Variants in ANK1 observed in about 807,000 individuals in gnomAD.
The protein encoded by ANK1 is ankyrin-1.
Under a neutral mutation model 210.4 loss-of-function variants are expected in ANK1, and 51 were observed. The observed-to-expected ratio is 0.24, with a 90% CI of 0.19 to 0.31. ANK1 has a LOEUF of 0.31. ANK1 is among the 10% of genes least tolerant of loss of function. ANK1 has a pLI of 1.00. For missense variants in ANK1, 2,051 were observed against 2,504.4 expected, an observed-to-expected ratio of 0.82 and a Z score of 3.86; for synonymous variants, 967 against 1,025.9, an observed-to-expected ratio of 0.94 and a Z score of 1.10.
At chr8:41,885,423 C>T (rs1818298419) in intron 1 of ANK1, among the ~76,000 whole-genome samples, 1 of 152,240 alleles carries the variant, frequency 6.6e-6, no homozygotes, top group Admixed American at 6.5e-5. Flanking sequence ...AATGGTTTGA[C>T]TATGGTTTGC....
At chr8:41,771,132 A>G (rs7461534) in intron 1 of ANK1, among the ~76,000 whole-genome samples, 44,951 of 152,142 alleles carry the variant, frequency 0.3, 7,419 homozygotes, top group East Asian at 0.66. Flanking sequence ...TTGGGGTTCA[A>G]TTGCTATGGA....
intron 37 of ANK1, among the ~76,000 whole-genome samples, chr8:41,682,452 G>A (rs73617318): frequency 0.018 from 2,716 of 152,364 alleles, 75 homozygotes; most frequent in African/African-American, 0.056. Context: ...CACAAAGGCA[G>A]AGTTTTGTTT....
chr8:41,867,496 C>T (rs1240875929), intron 1 of ANK1, among the ~76,000 whole-genome samples: 1 of 152,132 alleles, frequency 6.6e-6, no homozygotes, highest in Middle Eastern at 3.2e-3. Flanking sequence ...ATAACAGCCC[C>T]AAGTGATGTC....
intron 1 of ANK1, chr8:41,828,249 T>TCCCGCTCCGC (rs540606434): frequency 1.3e-4 from 20 of 153,246 alleles, no homozygotes; most frequent in African/African-American, 1.9e-4. Context: ...CCGCCCATCC[T>TCCCGCTCCGC]CCCGCTCCGC....
chr8:41,786,555 G>C (rs1160962736), intron 1 of ANK1, among the ~76,000 whole-genome samples: 1 of 152,218 alleles, frequency 6.6e-6, no homozygotes, highest in African/African-American at 2.4e-5. Flanking sequence ...TAATGGAGTC[G>C]AGAGAAGGGC....
Position 41,654,125 on chromosome 8 carries a change from G to T in ANK1, c.*1665C>A, listed in dbSNP as rs1291428348. 6.6e-6 allele frequency: 1 copy of T among 152,566 alleles called. No individual in the cohort carries two copies. The highest frequency in any genetic ancestry group is 2.1e-4 in the South Asian group (1 of 4,832). The allele number at this position is 152,566 out of a possible 1,614,324, so 9.5% of individuals were successfully genotyped here. ...CGGGCCGTCCACACCGCGGCTCCAG[G>T]GGCGAGAGGAGCCAGCCCTGTCTCT... On this transcript the variant is annotated 3_prime_UTR_variant, in exon 43 of 43. Coordinates refer to ENST00000289734, the MANE Select transcript of ANK1 (RefSeq NM_000037.4).
At chr8:41,656,288 G>C (rs974727121) in intron 42 of ANK1, among the ~76,000 whole-genome samples, 8 of 152,252 alleles carry the variant, frequency 5.3e-5, no homozygotes, top group African/African-American at 1.7e-4. Context: ...GGATGGAGCG[G>C]ATGTGCTCCC....
chr8:41,725,845 G>T lies in ANK1; in HGVS notation c.528C>A (p.Ala176=), dbSNP rs544906793. 2 of 1,611,860 alleles carry T rather than the reference G, an allele frequency of 1.2e-6. No homozygotes were observed. Among genetic ancestry groups the T allele is most frequent in the South Asian group, 2.2e-5 (2 of 90,716 alleles). The change falls in exon 6 of 43, where the codon GCC becomes GCA. Residue 176 remains alanine, a synonymous_variant. Coordinates refer to ENST00000289734, the MANE Select transcript of ANK1 (RefSeq NM_000037.4). ...YGTKGKVRLP[A]LHIAARNDDT... is the part of the protein sequence containing the mutation. ...CGTCGTTGCGGGCCGCGATGTGCAG[G>T]GCCGGGAGGCGCACCTTCCCCTTGG... is the stretch of plus-strand genomic sequence containing the variant.
At chr8:41,675,853 AT>A (rs2150567393) in intron 37 of ANK1, among the ~76,000 whole-genome samples, 1 of 152,308 alleles carries the variant, frequency 6.6e-6, no homozygotes, top group African/African-American at 2.4e-5. Flanking sequence ...ACATAAACGG[AT>A]TCATACAGTA....
At chr8:41,710,433 C>A (rs1420055030) in intron 16 of ANK1, among the ~76,000 whole-genome samples, 2 of 152,208 alleles carry the variant, frequency 1.3e-5, no homozygotes, top group African/African-American at 4.8e-5. Context: ...AACAGTGGTT[C>A]TCAAACTCTG....
At chr8:41,868,657 A>G (rs1814926661) in intron 1 of ANK1, among the ~76,000 whole-genome samples, 1 of 152,232 alleles carries the variant, frequency 6.6e-6, no homozygotes, top group Admixed American at 6.5e-5. Flanking sequence ...ATCTTAAATC[A>G]TGTGCCATAA....
intron 1 of ANK1, among the ~76,000 whole-genome samples, chr8:41,862,129 A>C (rs558051458): frequency 6.4e-4 from 97 of 152,334 alleles, no homozygotes; most frequent in African/African-American, 2.2e-3. Flanking sequence ...TGGCCTCCCA[A>C]GGACCTGATT....
chr8:41,766,914 C>T (rs910527268), intron 1 of ANK1, among the ~76,000 whole-genome samples: 10 of 152,182 alleles, frequency 6.6e-5, no homozygotes, highest in Admixed American at 4.6e-4. Context: ...GGTCCCCGCC[C>T]GGCCCAAGGC....
intron 1 of ANK1, among the ~76,000 whole-genome samples, chr8:41,893,406 C>A (rs1819814011): frequency 6.6e-6 from 1 of 152,150 alleles, no homozygotes; most frequent in Non-Finnish European, 1.5e-5. Flanking sequence ...ATTGTTAGAG[C>A]TCCAGAGTGT....
chr8:41,791,789 T>C (rs975042578), intron 1 of ANK1, among the ~76,000 whole-genome samples: 4 of 152,088 alleles, frequency 2.6e-5, no homozygotes, highest in Non-Finnish European at 5.9e-5. Context: ...GGCAGAACAG[T>C]GTTCTGACCA....
At chr8:41,839,162 C>T (rs948502851) in intron 1 of ANK1, among the ~76,000 whole-genome samples, 3 of 152,236 alleles carry the variant, frequency 2.0e-5, no homozygotes, top group African/African-American at 4.8e-5. Context: ...AGAAATTCAC[C>T]TGTCTCCTCC....
Position 41,717,059 on chromosome 8 carries a change from A to G in ANK1, c.1306-8T>C, listed in dbSNP as rs1827873254. The G allele has an allele frequency of 1.9e-6, 3 of 1,613,922 alleles. No homozygotes were observed. The highest frequency in any genetic ancestry group is 1.6e-4 in the Middle Eastern group (1 of 6,084). On this transcript the variant is annotated splice_polypyrimidine_tract_variant and splice_region_variant and intron_variant, in intron 12 of 42. Coordinates refer to ENST00000289734, the MANE Select transcript of ANK1 (RefSeq NM_000037.4). ...TAGCGGGGTCTCCACTTTCTATAAA[A>G]TAACAAAATTATAGAACTGTTCATA... is the stretch of plus-strand genomic sequence containing the variant.
rs1428177791 is a variant in ANK1, at chr8:41,661,947, A to T, written c.5479-6T>A. On this transcript the variant is annotated splice_polypyrimidine_tract_variant and splice_region_variant and intron_variant, in intron 40 of 42. Transcript: ENST00000289734. ...CGAACCACCTTGCGAATGATCTAGG[A>T]AAGGAAGGGAAGGAGGAAAGGGCTG... The T allele has an allele frequency of 6.2e-7, 1 of 1,613,354 alleles. No homozygotes were observed. Among genetic ancestry groups the T allele is most frequent in the Admixed American group, 1.7e-5 (1 of 59,996 alleles).
At chr8:41,842,917 G>A (rs983322879) in intron 1 of ANK1, among the ~76,000 whole-genome samples, 19 of 152,062 alleles carry the variant, frequency 1.2e-4, no homozygotes, top group South Asian at 4.1e-4. Context: ...CATGATCTCC[G>A]CTCACTGCAA....
Sources: gnomAD v4.1 joint callset for allele counts (sites outside exome capture counted in the v4.1 genomes callset) on GRCh38, gnomAD v4.1.1 for gene constraint, MANE v1.5 for transcripts, NCBI Gene and HGNC (gene_info 2026-07-23, HGNC 2026-07-21) for gene names.